Variants in CALN1 observed in about 807,000 individuals in gnomAD.
The protein encoded by CALN1 is calcium-binding protein 8.
A neutral mutation model predicts 30.6 loss-of-function variants in CALN1; 17 were observed. The observed-to-expected ratio is 0.56, with a 90% CI of 0.38 to 0.83. The LOEUF (loss-of-function observed/expected upper bound fraction) is 0.83, where lower values mean the gene tolerates loss of function less well. Among genes scored for constraint, CALN1 ranks in the 40% least tolerant of loss-of-function variants. The pLI is 0.00. For missense variants in CALN1, 291 were observed against 354.9 expected (o/e 0.82, Z 1.45); for synonymous variants, 156 against 131.4 (o/e 1.19, Z -1.28).
intron 4 of CALN1, among the ~76,000 whole-genome samples, chr7:72,051,241 C>A (rs1475393341): frequency 6.6e-6 from 1 of 151,542 alleles, no homozygotes; most frequent in Admixed American, 6.6e-5. Flanking sequence ...ATTGACAAAT[C>A]GAATCCAGAA....
chr7:71,979,227 A>T (rs557653553), intron 5 of CALN1, among the ~76,000 whole-genome samples: 3 of 152,128 alleles, frequency 2.0e-5, no homozygotes, highest in South Asian at 2.1e-4. Flanking sequence ...GACTGGGGAG[A>T]GGGGATGGTT....
At chr7:71,915,042 A>T (rs1441892602) in intron 5 of CALN1, among the ~76,000 whole-genome samples, 1 of 152,222 alleles carries the variant, frequency 6.6e-6, no homozygotes, top group East Asian at 1.9e-4. Flanking sequence ...CTGGTACACA[A>T]ACACTTCCTG....
At chr7:72,210,309 T>G (rs1792302195) in intron 3 of CALN1, among the ~76,000 whole-genome samples, 1 of 152,116 alleles carries the variant, frequency 6.6e-6, no homozygotes, top group South Asian at 2.1e-4. Context: ...TCGGGAGTGT[T>G]GGTGAATGTG....
chr7:72,400,911 G>T (rs1044498007), intron 2 of CALN1, among the ~76,000 whole-genome samples: 6 of 152,138 alleles, frequency 3.9e-5, no homozygotes, highest in Non-Finnish European at 8.8e-5. Flanking sequence ...GTGATCTGGA[G>T]ATGGAAGATG....
intron 3 of CALN1, among the ~76,000 whole-genome samples, chr7:72,205,569 T>TAC (rs1562733784): frequency 2.7e-5 from 3 of 109,496 alleles, no homozygotes; most frequent in Non-Finnish European, 5.4e-5. Flanking sequence ...TATATATATG[T>TAC]ATATATATAT....
At chr7:72,399,683 A>G (rs1482422060) in intron 2 of CALN1, among the ~76,000 whole-genome samples, 3 of 152,188 alleles carry the variant, frequency 2.0e-5, no homozygotes, top group Non-Finnish European at 4.4e-5. Context: ...CCAGCACTTC[A>G]TGGAGAGTCA....
intron 5 of CALN1, among the ~76,000 whole-genome samples, chr7:71,826,404 G>C (rs774364064): frequency 2.0e-5 from 3 of 152,200 alleles, no homozygotes; most frequent in Non-Finnish European, 4.4e-5. Flanking sequence ...ATGTGACTCA[G>C]ACATCGTGGT....
intron 4 of CALN1, among the ~76,000 whole-genome samples, chr7:72,066,520 G>A (rs1804032966): frequency 6.6e-6 from 1 of 151,190 alleles, no homozygotes; most frequent in South Asian, 2.1e-4. Flanking sequence ...AAAAGTGAAT[G>A]TTTCCAGGAA....
intron 4 of CALN1, among the ~76,000 whole-genome samples, chr7:72,058,851 G>A (rs1338469801): frequency 2.0e-5 from 3 of 152,070 alleles, no homozygotes; most frequent in African/African-American, 7.2e-5. Context: ...AGAAGCCATG[G>A]TATTCTGCAT....
chr7:72,055,974 C>T (rs150707590), intron 4 of CALN1, among the ~76,000 whole-genome samples: 20 of 152,266 alleles, frequency 1.3e-4, no homozygotes, highest in Admixed American at 9.8e-4. Context: ...GAGCTATGAT[C>T]GCACCACTGT....
chr7:72,110,957 T>C (rs1350226138), intron 3 of CALN1, among the ~76,000 whole-genome samples: 1 of 152,194 alleles, frequency 6.6e-6, no homozygotes, highest in Non-Finnish European at 1.5e-5. Context: ...CTTTGGCCAC[T>C]TTCCCATCCT....
chr7:71,990,819 G>C (rs1456494766), intron 5 of CALN1, among the ~76,000 whole-genome samples: 1 of 152,086 alleles, frequency 6.6e-6, no homozygotes, highest in East Asian at 1.9e-4. Flanking sequence ...TTTACTCTAA[G>C]GACTCGCACC....
intron 2 of CALN1, among the ~76,000 whole-genome samples, chr7:72,384,170 T>C (rs1046565799): frequency 6.6e-6 from 1 of 152,188 alleles, no homozygotes; most frequent in Non-Finnish European, 1.5e-5. Flanking sequence ...TTGCAGACTG[T>C]TGCCTTTAAT....
At chr7:72,202,980 T>C (rs192805207) in intron 3 of CALN1, among the ~76,000 whole-genome samples, 2 of 152,264 alleles carry the variant, frequency 1.3e-5, no homozygotes, top group African/African-American at 4.8e-5. Flanking sequence ...ATGTGGCACA[T>C]ATACACCATG....
intron 3 of CALN1, among the ~76,000 whole-genome samples, chr7:72,213,063 C>T (rs191092487): frequency 4.6e-5 from 7 of 152,296 alleles, no homozygotes; most frequent in Admixed American, 1.3e-4. Flanking sequence ...AACCTGCTGA[C>T]GAATTTCTGC....
At chr7:72,090,371 T>C (rs1291725395) in intron 4 of CALN1, among the ~76,000 whole-genome samples, 1 of 152,180 alleles carries the variant, frequency 6.6e-6, no homozygotes, top group Admixed American at 6.5e-5. Context: ...AATTGTAAGA[T>C]GGTTTTCTAT....
At chr7:72,339,582 T>C (rs546667841) in intron 2 of CALN1, among the ~76,000 whole-genome samples, 2 of 152,366 alleles carry the variant, frequency 1.3e-5, no homozygotes, top group South Asian at 2.1e-4. Context: ...GAAATGTTTT[T>C]GTTCCCTGTA....
intron 2 of CALN1, among the ~76,000 whole-genome samples, chr7:72,346,774 C>G (rs1802664839): frequency 6.6e-6 from 1 of 152,072 alleles, no homozygotes; most frequent in Non-Finnish European, 1.5e-5. Flanking sequence ...CCTTGGCCTC[C>G]CAAAGTGTGG....
intron 2 of CALN1, among the ~76,000 whole-genome samples, chr7:72,291,115 G>T (rs538275497): frequency 1.2e-4 from 19 of 152,142 alleles, no homozygotes; most frequent in Middle Eastern, 3.4e-3. Context: ...GTAGAGACAG[G>T]ATTTCACCAT....
Sources: allele counts gnomAD v4.1 joint callset (sites outside exome capture counted in the v4.1 genomes callset), GRCh38; gene constraint gnomAD v4.1.1; transcripts MANE v1.5; gene names NCBI Gene and HGNC (gene_info 2026-07-23, HGNC 2026-07-21).